Variants in YBX1 observed in about 807,000 individuals in gnomAD.
YBX1 encodes the protein Y-box-binding protein 1.
A neutral mutation model predicts 41.4 loss-of-function variants in YBX1; 3 were observed. The observed-to-expected ratio is 0.07, with a 90% CI of 0.03 to 0.19. The LOEUF (loss-of-function observed/expected upper bound fraction) is 0.19, where lower values mean the gene tolerates loss of function less well. Ranked by LOEUF, YBX1 falls within the 10% of genes least tolerant of loss-of-function variation. The pLI is 1.00. For synonymous variants in YBX1, 133 were observed against 165.8 expected (o/e 0.80, Z 1.52); for missense variants, 274 against 462.8 (o/e 0.59, Z 3.74).
At chr1:42,700,079 T>A (rs1409125325) in intron 6 of YBX1, among the ~76,000 whole-genome samples, 1 of 152,232 alleles carries the variant, frequency 6.6e-6, no homozygotes, top group Non-Finnish European at 1.5e-5. Context: ...CAGTCACCAC[T>A]GTAGGGTTGC....
chr1:42,682,961 T>C (rs932602166), intron 1 of YBX1: 2 of 115,568 alleles, frequency 1.7e-5, no homozygotes, highest in Admixed American at 9.8e-5. Flanking sequence ...CGCGCGCCCC[T>C]CCCCCTGCGG....
At chr1:42,690,423 A>G (rs1202244351) in intron 2 of YBX1, among the ~76,000 whole-genome samples, 1 of 152,162 alleles carries the variant, frequency 6.6e-6, no homozygotes, top group Non-Finnish European at 1.5e-5. Flanking sequence ...CACTAACCCA[A>G]TGAATAAGAT....
intron 6 of YBX1, among the ~76,000 whole-genome samples, chr1:42,698,764 G>A (rs761629173): frequency 6.6e-6 from 1 of 152,208 alleles, no homozygotes; most frequent in Non-Finnish European, 1.5e-5. Flanking sequence ...TAGACTTAAT[G>A]TCTACGTGTT....
intron 3 of YBX1, among the ~76,000 whole-genome samples, chr1:42,695,587 C>G (rs1340995879): frequency 3.9e-5 from 6 of 152,214 alleles, no homozygotes. Flanking sequence ...CAACAAGTCT[C>G]TAATACAAGA....
chr1:42,699,245 G>A (rs900088558), intron 6 of YBX1, among the ~76,000 whole-genome samples: 5 of 152,150 alleles, frequency 3.3e-5, no homozygotes, highest in East Asian at 1.9e-4. Context: ...ACATGGGCAC[G>A]CATGTGTTAA....
rs1650071608 is a variant in YBX1, at chr1:42,682,840, G to A, written c.166+109G>A. The A allele has an allele frequency of 6.6e-6, 4 of 605,656 alleles. No individual in the cohort carries two copies. In the East Asian group the frequency reaches 1.8e-4, roughly 28 times the overall value. 37.5% of individuals were successfully genotyped at this position (605,656 alleles called of 1,614,324 possible). On this transcript the variant is annotated intron_variant, in intron 1 of 7. Transcript: ENST00000321358. ...CGCGCGGCCGGTGGGCACCGACTCC[G>A]CGGCGCGCGGCCGCCCATCCCCCCC...
At position 42,699,521 on chromosome 1, in the gene YBX1, T is replaced by G. The variant is rs192572864; in HGVS notation, c.741-1260T>G. Among the ~76,000 whole-genome samples, 213 of 152,252 alleles carry G rather than the reference T, an allele frequency of 1.4e-3. 3 individuals are homozygous for G. Among genetic ancestry groups the G allele is most frequent in the African/African-American group, 4.8e-3 (199 of 41,536 alleles). On this transcript the variant is annotated intron_variant, in intron 6 of 7. Transcript: ENST00000321358. The stretch of plus-strand genomic sequence containing the variant: ...CTGGTTTGATTTATCCAGATCTGGT[T>G]TATCCAGATGAAGACACTGGGGTAG...
rs759678173 is a variant in YBX1 at position 42,696,601 on chromosome 1, T to C, written c.355-41T>C. ...CCTTTTGAAAGTGTTGAAAGTGTTC[T>C]GATTTCCTTTGTCACTATCAATATG... On this transcript the variant is annotated intron_variant, in intron 4 of 7. Coordinates refer to ENST00000321358, the MANE Select transcript of YBX1 (RefSeq NM_004559.5). The surrounding 1 kb of genome is among the most constrained non-coding windows in gnomAD (Gnocchi z 5.7). The C allele has an allele frequency of 7.1e-7, 1 of 1,415,052 alleles. No individual in the cohort carries two copies. Among genetic ancestry groups the C allele is most frequent in the Non-Finnish European group, 9.3e-7 (1 of 1,072,156 alleles). The allele number at this position is 1,415,052 out of a possible 1,614,324, so 87.7% of individuals were successfully genotyped here. A position where few individuals can be genotyped will look rare whatever the true frequency, so the allele number is the denominator to read the frequency against.
At chr1:42,693,290 T>C (rs774147636) in intron 2 of YBX1, among the ~76,000 whole-genome samples, 200 bp from the exon 3 acceptor site, 1 of 151,426 alleles carries the variant, frequency 6.6e-6, no homozygotes, top group Non-Finnish European at 1.5e-5. Flanking sequence ...TTTTTTTGCC[T>C]ATCTTACGGG....
chr1:42,683,475 C>G lies in YBX1; in HGVS notation c.230+9C>G. ...TATGGTTTCATCAACAGGTGAGCTG[C>G]CGGGCTCTGAAGCCTCCATCCCACC... On this transcript the variant is annotated intron_variant, in intron 2 of 7. Transcript: ENST00000321358. 7 of 1,612,922 alleles carry G rather than the reference C, an allele frequency of 4.3e-6. No individual in the cohort carries two copies. Among genetic ancestry groups the G allele is most frequent in the Non-Finnish European group, 5.1e-6 (6 of 1,180,018 alleles).
intron 6 of YBX1, among the ~76,000 whole-genome samples, chr1:42,700,015 G>A (rs962532483): frequency 3.9e-5 from 6 of 152,150 alleles, no homozygotes; most frequent in African/African-American, 1.4e-4. Context: ...AAGATGGAAA[G>A]CCTAGTTTTT....
intron 2 of YBX1, among the ~76,000 whole-genome samples, chr1:42,691,441 A>G (rs554946309): frequency 1.3e-5 from 2 of 152,274 alleles, no homozygotes; most frequent in Admixed American, 6.5e-5. Flanking sequence ...CTGCACCCTC[A>G]TTTCCGGGAC....
intron 1 of YBX1, 123 bp from the exon 2 acceptor site, chr1:42,683,280 G>A (rs1229690456): frequency 8.7e-7 from 1 of 1,151,858 alleles, no homozygotes; most frequent in Admixed American, 1.8e-5. Flanking sequence ...CCGGGCGGTG[G>A]AGAGAAAGGG....
At chr1:42,684,725 A>G (rs189228888) in intron 2 of YBX1, among the ~76,000 whole-genome samples, 3 of 152,286 alleles carry the variant, frequency 2.0e-5, no homozygotes, top group Admixed American at 1.3e-4. Context: ...TTTTTCATTA[A>G]TTTTTTGATA....
intron 2 of YBX1, among the ~76,000 whole-genome samples, chr1:42,692,010 C>T (rs1650351908): frequency 6.6e-6 from 1 of 152,152 alleles, no homozygotes; most frequent in Non-Finnish European, 1.5e-5. Flanking sequence ...ACAGCCACGC[C>T]TGGCTAATTT....
rs940024475 is a variant in YBX1 at position 42,696,380 on chromosome 1, T to C, written c.354+92T>C. The C allele has an allele frequency of 3.1e-6, 4 of 1,304,856 alleles. No individual in the cohort carries two copies. The African/African-American group carries it at 5.9e-5, about 19-fold the overall frequency. 80.8% of individuals were successfully genotyped at this position (1,304,856 alleles called of 1,614,324 possible). Reference sequence around the variant, plus strand: ...GGATGGTGGCTCTAATGTGGATGGATGTGTTCAGGTGACCTCATGAACACA... The same window carrying C: ...GGATGGTGGCTCTAATGTGGATGGACGTGTTCAGGTGACCTCATGAACACA... On this transcript the variant is annotated intron_variant, in intron 4 of 7. Transcript: ENST00000321358. The surrounding 1 kb of genome is among the most constrained non-coding windows in gnomAD (Gnocchi z 5.7).
intron 6 of YBX1, among the ~76,000 whole-genome samples, chr1:42,699,191 C>A (rs1348802838): frequency 6.6e-6 from 1 of 152,042 alleles, no homozygotes; most frequent in Admixed American, 6.6e-5. Context: ...AAATGTTGAC[C>A]TTTTGTTAGG....
chr1:42,686,704 A>C lies in YBX1; in HGVS notation c.230+3238A>C, dbSNP rs541310474. 1.4e-3 allele frequency among the ~76,000 whole-genome samples: 206 copies of C among 152,320 alleles called. 2 individuals are homozygous for C. Among genetic ancestry groups the C allele is most frequent in the Non-Finnish European group, 2.2e-4 (15 of 68,026 alleles). ...TGACTTCCAACACATGTTGGTGAAA[A>C]TAGATACAGCTAACAAGTATTTATA... On this transcript the variant is annotated intron_variant, in intron 2 of 7. Coordinates refer to ENST00000321358, the MANE Select transcript of YBX1 (RefSeq NM_004559.5).
intron 2 of YBX1, among the ~76,000 whole-genome samples, chr1:42,690,220 T>A (rs1445718983): frequency 6.6e-6 from 1 of 151,180 alleles, no homozygotes; most frequent in Non-Finnish European, 1.5e-5. Flanking sequence ...CAAAAAAAAA[T>A]TGAGTACTGT....
Sources: gnomAD v4.1 joint callset for allele counts (sites outside exome capture counted in the v4.1 genomes callset) on GRCh38, gnomAD v4.1.1 for gene constraint, Gnocchi (gnomAD v3.1) non-coding constraint, MANE v1.5 for transcripts, NCBI Gene and HGNC (gene_info 2026-07-23, HGNC 2026-07-21) for gene names.